Variants in RBFOX1 observed in about 807,000 individuals in gnomAD.
RBFOX1 encodes the protein RNA binding protein fox-1 homolog 1.
RBFOX1 carries 8 observed loss-of-function variants against 57.7 expected under a neutral mutation model. The observed-to-expected ratio is 0.14, with a 90% CI of 0.08 to 0.25. The LOEUF (loss-of-function observed/expected upper bound fraction) is 0.25, where lower values mean the gene tolerates loss of function less well. RBFOX1 is among the 10% of genes least tolerant of loss of function. The pLI, the probability that RBFOX1 is intolerant of heterozygous loss-of-function variation, is 1.00. For missense variants in RBFOX1, 611 were observed against 548.5 expected (o/e 1.11, Z -1.14); for synonymous variants, 326 against 222.4 (o/e 1.47, Z -4.15).
chr16:5,427,589 C>G (rs541025511), intron 1 of RBFOX1, among the ~76,000 whole-genome samples: 506 of 38,220 alleles, frequency 0.013, 1 homozygote, highest in African/African-American at 0.065. Context: ...TGTCTCAAAA[C>G]AAAACAAAAC....
chr16:6,131,026 A>G (rs560793704), intron 1 of RBFOX1, among the ~76,000 whole-genome samples: 2 of 152,314 alleles, frequency 1.3e-5, no homozygotes, highest in South Asian at 4.1e-4. Context: ...CATATACATT[A>G]TAAAGAGCGT....
chr16:6,682,363 A>G (rs568823771), intron 3 of RBFOX1, among the ~76,000 whole-genome samples: 35 of 152,250 alleles, frequency 2.3e-4, no homozygotes, highest in Non-Finnish European at 4.3e-4. Context: ...AGTTGCTGCC[A>G]TCAGGCTTCG....
intron 4 of RBFOX1, among the ~76,000 whole-genome samples, chr16:5,930,115 G>A (rs575793232): frequency 6.6e-5 from 10 of 151,666 alleles, no homozygotes; most frequent in African/African-American, 2.4e-4. Flanking sequence ...GGAAGGATGG[G>A]AGACAGGGTG....
intron 11 of RBFOX1, among the ~76,000 whole-genome samples, chr16:7,637,211 G>A (rs1290220022): frequency 6.7e-6 from 1 of 150,182 alleles, no homozygotes; most frequent in Non-Finnish European, 1.5e-5. Flanking sequence ...AAATCCTAAA[G>A]TTAATAGAAG....
chr16:6,104,942 C>G (rs975537816), intron 1 of RBFOX1, among the ~76,000 whole-genome samples: 1 of 152,174 alleles, frequency 6.6e-6, no homozygotes. Context: ...CTAGAACTTT[C>G]TTTTCTAGGA....
intron 3 of RBFOX1, among the ~76,000 whole-genome samples, chr16:6,986,339 C>T (rs1200924177): frequency 2.6e-5 from 4 of 152,100 alleles, no homozygotes; most frequent in Non-Finnish European, 4.4e-5. Context: ...GCTGGGATTG[C>T]AGGCGTCTGC....
At chr16:7,198,519 C>G (rs779721924) in intron 4 of RBFOX1, among the ~76,000 whole-genome samples, 1 of 152,120 alleles carries the variant, frequency 6.6e-6, no homozygotes, top group Non-Finnish European at 1.5e-5. Context: ...GTTTTTGTAA[C>G]AGAATATCTA....
At chr16:6,810,249 C>T (rs1297521166) in intron 3 of RBFOX1, among the ~76,000 whole-genome samples, 2 of 152,068 alleles carry the variant, frequency 1.3e-5, no homozygotes, top group African/African-American at 2.4e-5. Flanking sequence ...TGGAGAAATT[C>T]ACTTTTTACC....
intron 2 of RBFOX1, among the ~76,000 whole-genome samples, chr16:6,523,905 G>T (rs1468833890): frequency 6.6e-6 from 1 of 151,928 alleles, no homozygotes; most frequent in African/African-American, 2.4e-5. Flanking sequence ...GATACTTATG[G>T]GATGCATGAG....
intron 4 of RBFOX1, among the ~76,000 whole-genome samples, chr16:7,393,194 C>G (rs935930236): frequency 2.0e-5 from 3 of 152,066 alleles, no homozygotes; most frequent in African/African-American, 7.2e-5. Flanking sequence ...ATTTTTATTG[C>G]TCCTTGCATA....
At chr16:6,183,905 G>A (rs1213056016) in intron 1 of RBFOX1, among the ~76,000 whole-genome samples, 6 of 152,154 alleles carry the variant, frequency 3.9e-5, no homozygotes, top group Non-Finnish European at 8.8e-5. Context: ...AGAAGCCATT[G>A]GAGGATGTAT....
chr16:6,144,243 A>C (rs921075654), intron 1 of RBFOX1, among the ~76,000 whole-genome samples: 8 of 152,056 alleles, frequency 5.3e-5, no homozygotes, highest in Admixed American at 2.0e-4. Flanking sequence ...TTCTCTTTTT[A>C]ATTTTCTGTT....
chr16:7,699,863 TGAAA>T (rs2080086516), intron 14 of RBFOX1, among the ~76,000 whole-genome samples: 1 of 152,170 alleles, frequency 6.6e-6, no homozygotes, highest in Admixed American at 6.5e-5. Flanking sequence ...AAATGAATAT[TGAAA>T]GAGTTTGTGT....
intron 3 of RBFOX1, among the ~76,000 whole-genome samples, chr16:6,930,449 AC>A (rs1191180015): frequency 2.6e-5 from 4 of 152,086 alleles, no homozygotes; most frequent in African/African-American, 7.2e-5. Flanking sequence ...TCACTCTGTC[AC>A]CCAGGCTGGA....
intron 4 of RBFOX1, among the ~76,000 whole-genome samples, chr16:5,996,395 C>T (rs1596368200): frequency 6.6e-6 from 1 of 152,120 alleles, no homozygotes; most frequent in East Asian, 1.9e-4. Flanking sequence ...CCCTTAATTA[C>T]ATATTCAGAA....
At chr16:6,471,326 C>G (rs1438218006) in intron 2 of RBFOX1, among the ~76,000 whole-genome samples, 1 of 152,168 alleles carries the variant, frequency 6.6e-6, no homozygotes, top group Non-Finnish European at 1.5e-5. Flanking sequence ...AAGAGGCATC[C>G]TCTACCAAGT....
chr16:6,300,583 C>G (rs141094304), intron 1 of RBFOX1, among the ~76,000 whole-genome samples: 1 of 152,186 alleles, frequency 6.6e-6, no homozygotes, highest in Non-Finnish European at 1.5e-5. Flanking sequence ...TTAGGTTGGA[C>G]TCATGAAGCC....
intron 3 of RBFOX1, among the ~76,000 whole-genome samples, chr16:5,811,081 C>G (rs1460849227): frequency 1.3e-5 from 2 of 150,460 alleles, no homozygotes; most frequent in Non-Finnish European, 3.0e-5. Flanking sequence ...GATCTGCTTT[C>G]TAAATCCGTA....
intron 4 of RBFOX1, among the ~76,000 whole-genome samples, chr16:7,157,076 C>G (rs1475886003): frequency 6.6e-6 from 1 of 152,152 alleles, no homozygotes; most frequent in East Asian, 1.9e-4. Flanking sequence ...CTTGATTATG[C>G]TACTAAATAT....
Sources: gnomAD v4.1 joint callset for allele counts (sites outside exome capture counted in the v4.1 genomes callset) on GRCh38, gnomAD v4.1.1 for gene constraint, MANE v1.5 for transcripts, NCBI Gene and HGNC (gene_info 2026-07-23, HGNC 2026-07-21) for gene names.